The following TGFB1 variants were observed in gnomAD, a reference collection of about 807,000 sequenced individuals.
TGFB1 encodes the protein transforming growth factor beta 1, also known as transforming growth factor beta-1 proprotein.
In TGFB1, 19 loss-of-function variants were observed where a neutral mutation model predicts 43.8. The ratio of observed to expected loss-of-function variants is 0.43; its 90% CI spans 0.30 to 0.64. The LOEUF (loss-of-function observed/expected upper bound fraction) is 0.64, where lower values mean the gene tolerates loss of function less well. Ranked by LOEUF, TGFB1 falls within the 30% of genes least tolerant of loss-of-function variation. The pLI is 0.11. For synonymous variants in TGFB1, 221 were observed against 236.3 expected, an observed-to-expected ratio of 0.94 and a Z score of 0.60; for missense variants, 445 against 529.8, an observed-to-expected ratio of 0.84 and a Z score of 1.57.
At position 41,352,750 on chromosome 19, in the gene TGFB1, G is replaced by T. The variant is rs753186435; in HGVS notation, c.295C>A (p.Pro99Thr). 1.9e-5 allele frequency: 30 copies of T among 1,613,280 alleles called. No homozygotes were observed. Among genetic ancestry groups the T allele is most frequent in the Non-Finnish European group, 2.3e-5 (27 of 1,179,742 alleles). ...TCCTTGGCGTAGTAGTCGGCCTCAG[G>T]CTCGGGCTCCGGTTCTGCACTCTCC... ...AGESAEPEPE[P>T]EADYYAKEVT... Residue 99 changes from proline (P) to threonine (T), a missense_variant, in exon 1 of 7, where the codon CCT (proline) becomes ACT (threonine). Transcript: ENST00000221930.
chr19:41,339,887 G>A (rs1233982800), intron 5 of TGFB1, among the ~76,000 whole-genome samples: 1 of 152,146 alleles, frequency 6.6e-6, no homozygotes, highest in Non-Finnish European at 1.5e-5. Flanking sequence ...ATCTGGTGGT[G>A]AAGGAGCCTG....
chr19:41,343,216 C>A (rs2038078476), intron 3 of TGFB1, among the ~76,000 whole-genome samples: 1 of 150,620 alleles, frequency 6.6e-6, no homozygotes, highest in African/African-American at 2.4e-5. Context: ...CTCACTGAAA[C>A]CTCCACCTCC....
At chr19:41,333,216 T>A (rs2037954252) in intron 5 of TGFB1, among the ~76,000 whole-genome samples, 2 of 140,816 alleles carry the variant, frequency 1.4e-5, no homozygotes, top group African/African-American at 2.7e-5. Context: ...TCTATTTTTT[T>A]TTTTTTTTTT....
At chr19:41,339,736 A>C (rs2038032140) in intron 5 of TGFB1, among the ~76,000 whole-genome samples, 1 of 152,148 alleles carries the variant, frequency 6.6e-6, no homozygotes, top group South Asian at 2.1e-4. Flanking sequence ...AGGCAGGAGA[A>C]TCACTTGAAC....
chr19:41,332,025 A>C (rs2037937463), intron 6 of TGFB1, 103 bp downstream of exon 6: 20 of 1,415,794 alleles, frequency 1.4e-5, no homozygotes, highest in Admixed American at 4.0e-5. Flanking sequence ...CTTTCTCCCC[A>C]TCCTGCCAAC....
chr19:41,340,462 A>G (rs1488050236), intron 5 of TGFB1, among the ~76,000 whole-genome samples: 1 of 151,648 alleles, frequency 6.6e-6, no homozygotes, highest in Non-Finnish European at 1.5e-5. Context: ...TTGTATTTTT[A>G]ATAGAGATGG....
At chr19:41,335,953 G>A (rs1037481464) in intron 5 of TGFB1, among the ~76,000 whole-genome samples, 3 of 151,830 alleles carry the variant, frequency 2.0e-5, no homozygotes, top group Admixed American at 1.3e-4. Context: ...TAGGAAGGAG[G>A]TAGTGTTCGA....
At chr19:41,346,040 A>G (rs992910949) in intron 2 of TGFB1, among the ~76,000 whole-genome samples, 3 of 151,876 alleles carry the variant, frequency 2.0e-5, no homozygotes, top group Non-Finnish European at 4.4e-5. Flanking sequence ...TGCTGCAGGT[A>G]CCCAACATCT....
At chr19:41,332,402 G>T in intron 5 of TGFB1, 121 bp from the exon 6 acceptor site, 2 of 1,155,324 alleles carry the variant, frequency 1.7e-6, no homozygotes, top group Non-Finnish European at 2.5e-6. Context: ...CTCCATCTGG[G>T]TCTCCCTTGC....
intron 5 of TGFB1, among the ~76,000 whole-genome samples, chr19:41,339,289 G>A (rs1353695360): frequency 3.3e-5 from 5 of 151,794 alleles, no homozygotes; most frequent in Non-Finnish European, 1.5e-5. Flanking sequence ...TAGTTTTTTT[G>A]TATTTCTTGT....
intron 5 of TGFB1, among the ~76,000 whole-genome samples, chr19:41,337,855 T>G (rs2038005056): frequency 6.6e-6 from 1 of 152,210 alleles, no homozygotes; most frequent in African/African-American, 2.4e-5. Flanking sequence ...CTCTTCCTTA[T>G]GATTTTCTTA....
chr19:41,340,305 G>A lies in TGFB1; in HGVS notation c.860+1578C>T, dbSNP rs183168204. Reference sequence around the variant, plus strand: ...GGAGTCTCGCATCATTGCCCAGGCCGGAGTGCAGTGGCGCGATCTCGGTTC... The same window carrying A: ...GGAGTCTCGCATCATTGCCCAGGCCAGAGTGCAGTGGCGCGATCTCGGTTC... On this transcript the variant is annotated intron_variant, in intron 5 of 6. Coordinates refer to ENST00000221930, the MANE Select transcript of TGFB1 (RefSeq NM_000660.7). Among the ~76,000 whole-genome samples the A allele has an allele frequency of 1.8e-3, 263 of 147,990 alleles. 1 individual carries two copies. Among genetic ancestry groups the A allele is most frequent in the Admixed American group, 2.8e-3 (41 of 14,838 alleles).
At chr19:41,351,804 T>TGGGGGGGCTCGCTGCTC (rs61023216) in intron 1 of TGFB1, among the ~76,000 whole-genome samples, 103,815 of 151,440 alleles carry the variant, frequency 0.69, 36,185 homozygotes, top group African/African-American at 0.76. Context: ...CTGCGGGGAA[T>TGGGGGGGCTCGCTGCTC]GCAGCGTGGA....
chr19:41,333,207 C>CTTTTTTTTTTTTTT (rs1568474595), intron 5 of TGFB1, among the ~76,000 whole-genome samples: 2 of 120,748 alleles, frequency 1.7e-5, no homozygotes, highest in African/African-American at 3.3e-5. Context: ...CTTTTTTTTT[C>CTTTTTTTTTTTTTT]TATTTTTTTT....
chr19:41,350,645 G>A (rs1029201502), intron 1 of TGFB1, among the ~76,000 whole-genome samples: 3 of 152,192 alleles, frequency 2.0e-5, no homozygotes, highest in African/African-American at 7.2e-5. Flanking sequence ...TGGGGATGGG[G>A]ATGAGGGAAC....
At chr19:41,335,056 C>CT (rs66780031) in intron 5 of TGFB1, among the ~76,000 whole-genome samples, 29,272 of 143,974 alleles carry the variant, frequency 0.2, 3,201 homozygotes, top group East Asian at 0.35. Flanking sequence ...TGTCCGGAAT[C>CT]TTTTTTTTTT....
Position 41,330,810 on chromosome 19 carries a change from C to T in TGFB1, c.*242G>A, listed in dbSNP as rs1472174836. The T allele has an allele frequency of 2.0e-6, 1 of 500,778 alleles. No homozygotes were observed. The highest frequency in any genetic ancestry group is 3.6e-5 in the East Asian group (1 of 28,058). The allele number at this position is 500,778 out of a possible 1,614,324, so 31.0% of individuals were successfully genotyped here. A position where few individuals can be genotyped will look rare whatever the true frequency, so the allele number is the denominator to read the frequency against. On this transcript the variant is annotated 3_prime_UTR_variant, in exon 7 of 7. Coordinates refer to ENST00000221930, the MANE Select transcript of TGFB1 (RefSeq NM_000660.7). ...CTTGATGCCGGGCAAAGGAATAGTGCAGACAGGCAGGAGGAGGCAGAGAGG... is the reference window on the plus strand; with the variant it reads ...CTTGATGCCGGGCAAAGGAATAGTGTAGACAGGCAGGAGGAGGCAGAGAGG...
At position 41,341,975 on chromosome 19, in the gene TGFB1, A is replaced by G. The variant is rs1326579879; in HGVS notation, c.768T>C (p.Pro256=). The G allele has an allele frequency of 3.1e-6, 5 of 1,614,088 alleles. No homozygotes were observed. Among genetic ancestry groups the G allele is most frequent in the African/African-American group, 1.3e-5 (1 of 74,936 alleles). Residue 256 remains proline, a synonymous_variant, in exon 5 of 7, where the codon CCT becomes CCC. Transcript: ENST00000221930. The part of the protein sequence containing the change: ...DLATIHGMNR[P]FLLLMATPLE... ...GCGGGGTGGCCATGAGAAGCAGGAA[A>G]GGCCGGTTCATGCCATGAATGGTGG...
chr19:41,333,455 C>T (rs774673694), intron 5 of TGFB1, among the ~76,000 whole-genome samples: 6 of 152,014 alleles, frequency 3.9e-5, no homozygotes, highest in Non-Finnish European at 7.4e-5. Context: ...CCTTGTGATC[C>T]GCCCACCTCA....
Sources: allele counts gnomAD v4.1 joint callset (sites outside exome capture counted in the v4.1 genomes callset), GRCh38; gene constraint gnomAD v4.1.1; transcripts MANE v1.5; gene names NCBI Gene and HGNC (gene_info 2026-07-23, HGNC 2026-07-21).